TIAM1: variants seen among roughly 807,000 people sequenced by gnomAD.
TIAM1 encodes TIAM Rac1 associated GEF 1, also known as rho guanine nucleotide exchange factor TIAM1.
TIAM1 carries 65 observed loss-of-function variants against 163.5 expected under a neutral mutation model. The observed-to-expected ratio is 0.40, with a 90% confidence interval of 0.33 to 0.49. TIAM1 has a LOEUF of 0.49. Among genes scored for constraint, TIAM1 ranks in the 20% least tolerant of loss-of-function variants. The pLI, the probability that TIAM1 is intolerant of heterozygous loss-of-function variation, is 0.77. For missense variants in TIAM1, 1,789 were observed against 2,044.7 expected (o/e 0.87, Z 2.41); for synonymous variants, 833 against 810.1 (o/e 1.03, Z -0.48).
chr21:31,285,171 T>G (rs1306513674), intron 2 of TIAM1, among the ~76,000 whole-genome samples: 1 of 151,282 alleles, frequency 6.6e-6, no homozygotes. Flanking sequence ...CAGCTATGAT[T>G]TCATTCCCCA....
intron 1 of TIAM1, among the ~76,000 whole-genome samples, chr21:31,520,728 C>T (rs905337265): frequency 3.3e-5 from 5 of 152,320 alleles, no homozygotes; most frequent in African/African-American, 1.2e-4. Context: ...CAGTCAAAAG[C>T]ACTTCCCAGC....
At chr21:31,239,818 T>TA (rs978459331) in intron 6 of TIAM1, among the ~76,000 whole-genome samples, 1 of 152,166 alleles carries the variant, frequency 6.6e-6, no homozygotes, top group African/African-American at 2.4e-5. Context: ...AAAAGGATTT[T>TA]AAAAAATCTC....
At chr21:31,196,785 G>A (rs930416068) in intron 12 of TIAM1, among the ~76,000 whole-genome samples, 8 of 152,112 alleles carry the variant, frequency 5.3e-5, no homozygotes, top group Non-Finnish European at 1.0e-4. Context: ...AAAAAGACAC[G>A]TGCACTGTAT....
rs113003929 is a variant in TIAM1 at position 31,169,628 on chromosome 21, C to T, written c.2888-4563G>A. Among the ~76,000 whole-genome samples the T allele has an allele frequency of 6.6e-5, 10 of 152,068 alleles. No homozygotes were observed. In the South Asian group the frequency reaches 1.2e-3, roughly 19 times the overall value. On this transcript the variant is annotated intron_variant, in intron 15 of 27. Coordinates refer to ENST00000541036, the MANE Select transcript of TIAM1 (RefSeq NM_001353694.2). ...TGAACAGAATCTCACTGAAAAAGTT[C>T]GCTAAAGGATGTACTTTCAGGTGGG...
intron 4 of TIAM1, among the ~76,000 whole-genome samples, chr21:31,252,836 C>T (rs1175557591): frequency 6.6e-6 from 1 of 152,216 alleles, no homozygotes; most frequent in Admixed American, 6.5e-5. Context: ...GCCTCTCACT[C>T]TGCATTGTGC....
At chr21:31,199,125 A>T (rs1024459898) in intron 12 of TIAM1, among the ~76,000 whole-genome samples, 9 of 152,164 alleles carry the variant, frequency 5.9e-5, no homozygotes, top group African/African-American at 9.7e-5. Context: ...ACCAGATTTT[A>T]AGAAAAAAAT....
chr21:31,238,787 G>A (rs1357405728), intron 6 of TIAM1, among the ~76,000 whole-genome samples: 2 of 152,192 alleles, frequency 1.3e-5, no homozygotes, highest in African/African-American at 4.8e-5. Context: ...AACAGTAATA[G>A]GACAAATAGT....
At chr21:31,138,096 A>G (rs2833297) in intron 22 of TIAM1, among the ~76,000 whole-genome samples, 39,249 of 151,490 alleles carry the variant, frequency 0.26, 7,208 homozygotes, top group African/African-American at 0.53. Context: ...AACCCCAAGA[A>G]AGAGTTCTGC....
At chr21:31,552,875 A>G (rs2048741246) in intron 1 of TIAM1, among the ~76,000 whole-genome samples, 1 of 152,254 alleles carries the variant, frequency 6.6e-6, no homozygotes, top group Admixed American at 6.5e-5. Context: ...AAACTCTGCC[A>G]TGGCAAGAAT....
At chr21:31,130,177 A>ATG in intron 25 of TIAM1, 36 bp downstream of exon 25, 1 of 1,550,866 alleles carries the variant, frequency 6.4e-7, no homozygotes, top group South Asian at 1.1e-5. Context: ...CATCAGAAAT[A>ATG]TGTGTGTGAA....
At chr21:31,210,948 AT>A (rs11354478) in intron 10 of TIAM1, among the ~76,000 whole-genome samples, 16,961 of 146,792 alleles carry the variant, frequency 0.12, 3,025 homozygotes, top group African/African-American at 0.39. Context: ...AGCCCCAATC[AT>A]TTTTTTTTTT....
In TIAM1 at chr21:31,266,809, C is replaced by T. The variant is rs1162262579; in HGVS notation, c.164G>A (p.Ser55Asn). The change falls in exon 4 of 28, where the codon AGC (serine) becomes AAC (asparagine). Residue 55 changes from serine (S) to asparagine (N), a missense_variant. Physicochemically the swap from Ser to Asn is conservative, Grantham distance 46. This residue lies in a region of TIAM1 where 555 missense variants were observed against 564.9 expected (regional missense o/e 0.98). Coordinates refer to ENST00000541036, the MANE Select transcript of TIAM1 (RefSeq NM_001353694.2). The part of the protein sequence containing the change: ...GKVIHRNSEV[S>N]TRSSSTPSIP... ...GCTGGGGGTGCTGCTGGATCGGGTG[C>T]TCACTTCGGAGTTCCTGTGGATCAC... 5 of 1,614,084 alleles carry T rather than the reference C, an allele frequency of 3.1e-6. No homozygotes were observed. The highest frequency in any genetic ancestry group is 4.2e-6 in the Non-Finnish European group (5 of 1,180,058).
At chr21:31,553,462 T>G (rs1325545929) in intron 1 of TIAM1, among the ~76,000 whole-genome samples, 2 of 152,114 alleles carry the variant, frequency 1.3e-5, no homozygotes, top group Non-Finnish European at 2.9e-5. Flanking sequence ...CCACAGAAGG[T>G]CATGGCAAGA....
At chr21:31,417,680 G>A (rs912632776) in intron 2 of TIAM1, among the ~76,000 whole-genome samples, 6 of 152,126 alleles carry the variant, frequency 3.9e-5, no homozygotes, top group African/African-American at 1.4e-4. Flanking sequence ...TGCCATCAGG[G>A]ACAGAAGAGA....
chr21:31,299,069 A>G (rs1601875339), intron 2 of TIAM1, among the ~76,000 whole-genome samples: 1 of 152,212 alleles, frequency 6.6e-6, no homozygotes. Flanking sequence ...TAATGGAAAC[A>G]AAAACATCAG....
chr21:31,396,315 C>T (rs987578756), intron 2 of TIAM1, among the ~76,000 whole-genome samples: 1 of 152,150 alleles, frequency 6.6e-6, no homozygotes, highest in South Asian at 2.1e-4. Context: ...TCCTGCCAAT[C>T]TTCAATACAT....
chr21:31,277,520 T>C (rs909167268), intron 2 of TIAM1, among the ~76,000 whole-genome samples: 1 of 152,134 alleles, frequency 6.6e-6, no homozygotes, highest in Non-Finnish European at 1.5e-5. Flanking sequence ...TGGTAGGTGC[T>C]TGTAATCCCA....
At chr21:31,198,737 C>G (rs368797343) in intron 12 of TIAM1, among the ~76,000 whole-genome samples, 1 of 152,152 alleles carries the variant, frequency 6.6e-6, no homozygotes, top group South Asian at 2.1e-4. Flanking sequence ...GGGACTAGAG[C>G]TTTGTGCATA....
chr21:31,147,684 A>G (rs1406476269), intron 19 of TIAM1, among the ~76,000 whole-genome samples: 2 of 145,112 alleles, frequency 1.4e-5, no homozygotes, highest in African/African-American at 2.5e-5. Context: ...ATATATATAA[A>G]TATATATTCT....
Sources: gnomAD v4.1 joint callset for allele counts (sites outside exome capture counted in the v4.1 genomes callset) on GRCh38, gnomAD v4.1.1 for gene constraint, gnomAD v4.1.1 regional missense constraint, MANE v1.5 for transcripts, NCBI Gene and HGNC (gene_info 2026-07-23, HGNC 2026-07-21) for gene names.